Variants in LRRC37B observed in about 807,000 individuals in gnomAD.
LRRC37B encodes the protein leucine rich repeat containing 37B.
A neutral mutation model predicts 98.3 loss-of-function variants in LRRC37B; 28 were observed. The observed-to-expected ratio is 0.28, with a 90% CI of 0.21 to 0.39. The LOEUF is 0.39. LRRC37B is among the 10% of genes least tolerant of loss of function. The pLI is 1.00. For missense variants in LRRC37B, 938 were observed against 1,182.7 expected, an observed-to-expected ratio of 0.79 and a Z score of 3.03; for synonymous variants, 364 against 442.7, an observed-to-expected ratio of 0.82 and a Z score of 2.23.
intron 1 of LRRC37B, among the ~76,000 whole-genome samples, chr17:32,023,581 A>G (rs1910864771): frequency 6.6e-6 from 1 of 152,118 alleles, no homozygotes; most frequent in Non-Finnish European, 1.5e-5. Context: ...CTGTGACTCA[A>G]TTTCCTCCTT....
Position 32,021,812 on chromosome 17 carries a change from G to GCCAGATGATTATT in LRRC37B, c.748_760dup (p.Leu254SerfsTer3). The GCCAGATGATTATT allele has an allele frequency of 1.2e-6, 2 of 1,614,152 alleles. No individual in the cohort carries two copies. Among genetic ancestry groups the GCCAGATGATTATT allele is most frequent in the Non-Finnish European group, 1.7e-6 (2 of 1,180,036 alleles). Reference sequence around the variant, plus strand: ...AACCTCAGCGTCAGAAACAGACTTTGCCAGATGATTATTTGAGTATGGACA... The same window carrying GCCAGATGATTATT: ...AACCTCAGCGTCAGAAACAGACTTTGCCAGATGATTATTCCAGATGATTATTTGAGTATGGACA... On this transcript the variant is annotated frameshift_variant, in exon 1 of 12. Transcript: ENST00000327564. LOFTEE classifies it high-confidence loss of function.
chr17:32,047,254 G>T (rs2470258), intron 8 of LRRC37B: 182 of 182,094 alleles, frequency 1.0e-3, no homozygotes, highest in Admixed American at 1.3e-3. Context: ...GGGGCATCCC[G>T]CCCTGCTCCT....
intron 7 of LRRC37B, chr17:32,041,660 G>A (rs1200011116): frequency 4.3e-6 from 2 of 459,826 alleles, no homozygotes; most frequent in East Asian, 6.6e-5. Flanking sequence ...GGGCCCTTGA[G>A]GTACTCCCTC....
At chr17:32,047,244 G>C (rs1004519932) in intron 8 of LRRC37B, 2 of 173,122 alleles carry the variant, frequency 1.2e-5, no homozygotes, top group Admixed American at 5.4e-5. Flanking sequence ...GCAATGGGAG[G>C]GGGCATCCCG....
chr17:32,022,399 C>T, exon 1 of LRRC37B: 3 of 1,613,730 alleles, frequency 1.9e-6, no homozygotes, highest in Non-Finnish European at 2.5e-6. Context: ...ACAGTTCAAC[C>T]TCTGGACCTG....
chr17:32,030,777 A>G, intron 4 of LRRC37B, 50 bp downstream of exon 7: 1 of 1,067,332 alleles, frequency 9.4e-7, no homozygotes, highest in South Asian at 1.6e-5. Flanking sequence ...ATAAAACTTA[A>G]TTATAAACCT....
At chr17:32,030,282 TA>T (rs1911076432) in intron 3 of LRRC37B, among the ~76,000 whole-genome samples, 1 of 152,096 alleles carries the variant, frequency 6.6e-6, no homozygotes, top group African/African-American at 2.4e-5. Context: ...AAAACAAAGC[TA>T]AACTAGGAAG....
intron 1 of LRRC37B, among the ~76,000 whole-genome samples, chr17:32,009,515 C>T (rs1910481354): frequency 6.6e-6 from 1 of 152,176 alleles, no homozygotes; most frequent in Non-Finnish European, 1.5e-5. Context: ...CTCAAGCGAT[C>T]TGCTGCCTCG....
chr17:32,017,015 AC>A (rs1910659169), upstream of LRRC37B: 1 of 152,170 alleles, frequency 6.6e-6, no homozygotes. Flanking sequence ...AGGGGAAATA[AC>A]CTATCAGGTT....
chr17:32,046,601 T>TTTTC (rs1911589430), intron 8 of LRRC37B, among the ~76,000 whole-genome samples: 1 of 145,612 alleles, frequency 6.9e-6, no homozygotes, highest in Non-Finnish European at 1.5e-5. Context: ...CTTTTTTTCT[T>TTTTC]TTTTTTTTTT....
intron 2 of LRRC37B, among the ~76,000 whole-genome samples, chr17:32,025,876 C>G (rs1343067479): frequency 6.6e-6 from 1 of 152,170 alleles, no homozygotes; most frequent in East Asian, 1.9e-4. Context: ...ATTCATTTCC[C>G]CACACCTTTT....
intron 7 of LRRC37B, among the ~76,000 whole-genome samples, chr17:32,045,093 A>G (rs1488367609): frequency 2.1e-3 from 312 of 146,776 alleles, no homozygotes; most frequent in African/African-American, 7.2e-3. Context: ...TACATTTATT[A>G]GCTATCATTA....
chr17:32,024,769 T>C lies in LRRC37B; in HGVS notation c.1819T>C (p.Trp607Arg), dbSNP rs775386239. The change falls in exon 2 of 12, where the codon TGG becomes CGG. Residue 607 changes from tryptophan to arginine, a missense_variant. Coordinates refer to ENST00000327564, the Ensembl canonical transcript of LRRC37B. ...TGGAAATGTATGGAAAGCATACAGT[T>C]GGACCGAGAAACTGTGAGTATATTC... The C allele has an allele frequency of 1.9e-6, 3 of 1,605,244 alleles. No individual in the cohort carries two copies. In the Admixed American group the frequency reaches 5.0e-5, roughly 27 times the overall value.
At chr17:32,027,498 T>A (rs1368986182) in intron 2 of LRRC37B, among the ~76,000 whole-genome samples, 6 of 147,320 alleles carry the variant, frequency 4.1e-5, no homozygotes, top group African/African-American at 1.5e-4. Context: ...TGGGTGTGCT[T>A]GTGTGTGTGT....
chr17:32,042,262 AC>A (rs1196364773), intron 7 of LRRC37B: 16 of 174,186 alleles, frequency 9.2e-5, no homozygotes, highest in African/African-American at 3.7e-4. Context: ...CACACCAAGT[AC>A]CTTTTCAGCT....
intron 1 of LRRC37B, among the ~76,000 whole-genome samples, chr17:32,024,286 G>A (rs369447706): frequency 4.6e-4 from 70 of 152,198 alleles, no homozygotes; most frequent in African/African-American, 1.6e-3. Context: ...TTCAAGAGAG[G>A]GCAAAGCTTT....
At chr17:32,052,430 C>G (rs1470773182) in intron 11 of LRRC37B, 2 of 152,028 alleles carry the variant, frequency 1.3e-5, no homozygotes, top group East Asian at 3.9e-4. Context: ...TTTTTTCATA[C>G]TTTTAAGAGT....
chr17:32,034,749 A>C (rs1344497337), intron 5 of LRRC37B, among the ~76,000 whole-genome samples, 161 bp from the exon 9 acceptor site: 2 of 151,676 alleles, frequency 1.3e-5, no homozygotes, highest in Non-Finnish European at 2.9e-5. Context: ...GGTAGTTCCC[A>C]AAGGAATAGT....
At position 32,029,862 on chromosome 17, in the gene LRRC37B, A is replaced by T. The variant is rs1466195068; in HGVS notation, c.1905-794A>T. 4.0e-4 allele frequency among the ~76,000 whole-genome samples: 61 copies of T among 152,136 alleles called. 2 individuals are homozygous for T. The highest frequency in any genetic ancestry group is 4.0e-3 in the Admixed American group (61 of 15,260). On this transcript the variant is annotated intron_variant, in intron 3 of 11. Transcript: ENST00000327564. ...ACTCAGTTCTGGACTCCGCCCTCAT[A>T]GTTATTGATTCAGTTGGTCTAGAGT...
Sources: allele counts gnomAD v4.1 joint callset (sites outside exome capture counted in the v4.1 genomes callset), GRCh38; gene constraint gnomAD v4.1.1; transcripts MANE v1.5; gene names NCBI Gene and HGNC (gene_info 2026-07-23, HGNC 2026-07-21).